CADPS: variants seen among roughly 807,000 people sequenced by gnomAD.
CADPS encodes the protein calcium dependent secretion activator, also known as calcium-dependent secretion activator 1.
In CADPS, 57 loss-of-function variants were observed where a neutral mutation model predicts 167.3. The ratio of observed to expected loss-of-function variants is 0.34; its 90% CI spans 0.28 to 0.42. The LOEUF (loss-of-function observed/expected upper bound fraction) is 0.42. CADPS is among the 20% of genes least tolerant of loss of function. The pLI is 1.00. For missense variants in CADPS, 1,414 were observed against 1,738.1 expected (o/e 0.81, Z 3.32); for synonymous variants, 676 against 635.3 (o/e 1.06, Z -0.96).
intron 11 of CADPS, among the ~76,000 whole-genome samples, chr3:62,542,514 G>C (rs1417565849): frequency 6.6e-6 from 1 of 152,030 alleles, no homozygotes; most frequent in Non-Finnish European, 1.5e-5. Flanking sequence ...AAGTAACCAG[G>C]GGATGTTGTG....
intron 13 of CADPS, among the ~76,000 whole-genome samples, chr3:62,525,352 A>G (rs1444254699): frequency 1.3e-5 from 2 of 152,112 alleles, no homozygotes; most frequent in Non-Finnish European, 2.9e-5. Context: ...AATTTTTCCC[A>G]CTTTCTCTTC....
intron 13 of CADPS, among the ~76,000 whole-genome samples, chr3:62,524,195 T>C (rs1231281299): frequency 6.6e-6 from 1 of 152,230 alleles, no homozygotes; most frequent in Non-Finnish European, 1.5e-5. Flanking sequence ...TTCAAGTGAT[T>C]AATAACCACA....
chr3:62,677,196 A>G (rs1295768415), intron 3 of CADPS, among the ~76,000 whole-genome samples: 1 of 152,066 alleles, frequency 6.6e-6, no homozygotes, highest in Non-Finnish European at 1.5e-5. Flanking sequence ...ATAAACTGTG[A>G]CATTAGCCAT....
chr3:62,842,947 G>C (rs867416734), intron 1 of CADPS, among the ~76,000 whole-genome samples: 5 of 152,302 alleles, frequency 3.3e-5, no homozygotes, highest in Middle Eastern at 3.4e-3. Flanking sequence ...ACATAATTGA[G>C]AGTTCATTTT....
intron 3 of CADPS, among the ~76,000 whole-genome samples, chr3:62,687,712 C>T (rs891018670): frequency 2.1e-5 from 3 of 143,052 alleles, no homozygotes; most frequent in Non-Finnish European, 3.0e-5. Context: ...GTTTTCATTG[C>T]TACTTCCGGG....
chr3:62,874,562 C>T lies in CADPS; in HGVS notation c.441+27G>A. The T allele has an allele frequency of 2.0e-6, 3 of 1,526,178 alleles. No homozygotes were observed. Among genetic ancestry groups the T allele is most frequent in the Non-Finnish European group, 1.8e-6 (2 of 1,129,510 alleles). 94.5% of individuals were successfully genotyped at this position (1,526,178 alleles called of 1,614,324 possible). A position where few individuals can be genotyped will look rare whatever the true frequency, so the allele number is the denominator to read the frequency against. On this transcript the variant is annotated intron_variant, in intron 1 of 29. Coordinates refer to ENST00000383710, the MANE Select transcript of CADPS (RefSeq NM_003716.4). The surrounding 1 kb of genome is among the most constrained non-coding windows in gnomAD (Gnocchi z 7.1). The stretch of plus-strand genomic sequence containing the variant: ...CCCGCCTGGCGACGTCCGGGTGCTG[C>T]TCCCTGGGCCTCCCAGGCGCACCTA...
At chr3:62,744,386 G>C (rs574259969) in intron 3 of CADPS, among the ~76,000 whole-genome samples, 159 of 151,880 alleles carry the variant, frequency 1.0e-3, no homozygotes, top group African/African-American at 3.6e-3. Flanking sequence ...AAACACAAAG[G>C]GCTAACAACA....
chr3:62,678,115 C>G (rs2076605221), intron 3 of CADPS, among the ~76,000 whole-genome samples: 2 of 152,042 alleles, frequency 1.3e-5, no homozygotes, highest in South Asian at 4.1e-4. Context: ...GGCTGCTGAT[C>G]CTGACACACT....
At chr3:62,472,956 C>T (rs904277868) in intron 24 of CADPS, among the ~76,000 whole-genome samples, 4 of 152,202 alleles carry the variant, frequency 2.6e-5, no homozygotes, top group African/African-American at 4.8e-5. Context: ...AGCATCGCCA[C>T]GGAACTTGTC....
At chr3:62,499,331 G>A (rs568857973) in intron 17 of CADPS, 63 bp from the exon 18 acceptor site, 3 of 936,030 alleles carry the variant, frequency 3.2e-6, no homozygotes, top group Non-Finnish European at 5.3e-6. Context: ...ATGGCCATTA[G>A]AACTAGTGGA....
intron 13 of CADPS, among the ~76,000 whole-genome samples, chr3:62,521,852 G>T (rs1289894339): frequency 6.6e-6 from 1 of 152,168 alleles, no homozygotes; most frequent in African/African-American, 2.4e-5. Flanking sequence ...AAGCCGAAGG[G>T]CTTCCTAGAG....
At chr3:62,766,026 T>C in intron 1 of CADPS, 42 bp from the exon 2 acceptor site, 2 of 1,394,750 alleles carry the variant, frequency 1.4e-6, no homozygotes, top group Non-Finnish European at 2.0e-6. Flanking sequence ...GAACTTGTCC[T>C]AGACAAGGAT....
chr3:62,430,259 A>G (rs2053646940), intron 28 of CADPS, among the ~76,000 whole-genome samples: 1 of 152,180 alleles, frequency 6.6e-6, no homozygotes, highest in South Asian at 2.1e-4. Flanking sequence ...TTCTATACCT[A>G]AGACTCCAAA....
intron 2 of CADPS, 117 bp downstream of exon 2, chr3:62,765,754 C>T: frequency 1.7e-6 from 1 of 590,044 alleles, no homozygotes. Context: ...ACCCATTTGC[C>T]TTAGGAAGGA....
chr3:62,861,739 C>T (rs2080838304), intron 1 of CADPS, among the ~76,000 whole-genome samples: 2 of 152,210 alleles, frequency 1.3e-5, no homozygotes, highest in African/African-American at 2.4e-5. Context: ...GTCTCCCACT[C>T]CTTAATCCCC....
chr3:62,648,573 T>C (rs956519789), intron 5 of CADPS, among the ~76,000 whole-genome samples: 6 of 151,284 alleles, frequency 4.0e-5, no homozygotes, highest in Admixed American at 6.6e-5. Context: ...TCCCAGCTAC[T>C]TGGGAGGCTG....
chr3:62,644,925 C>T (rs2150052366), intron 6 of CADPS, among the ~76,000 whole-genome samples: 1 of 152,268 alleles, frequency 6.6e-6, no homozygotes, highest in Admixed American at 6.5e-5. Flanking sequence ...CTGATGTCCC[C>T]ATGAAACTGT....
intron 13 of CADPS, among the ~76,000 whole-genome samples, chr3:62,527,678 C>T (rs1037634653): frequency 1.8e-4 from 28 of 152,246 alleles, no homozygotes; most frequent in Non-Finnish European, 2.9e-4. Flanking sequence ...GTCACTGCCA[C>T]GTCAGTGGTC....
chr3:62,726,427 C>G, intron 3 of CADPS, among the ~76,000 whole-genome samples: 1 of 151,824 alleles, frequency 6.6e-6, no homozygotes, highest in East Asian at 1.9e-4. Context: ...AGTCATACCC[C>G]TTGGACTGAA....
Sources: gnomAD v4.1 joint callset for allele counts (sites outside exome capture counted in the v4.1 genomes callset) on GRCh38, gnomAD v4.1.1 for gene constraint, Gnocchi (gnomAD v3.1) non-coding constraint, MANE v1.5 for transcripts, NCBI Gene and HGNC (gene_info 2026-07-23, HGNC 2026-07-21) for gene names.